The following IVNS1ABP variants were observed in gnomAD, a reference collection of about 807,000 sequenced individuals.
IVNS1ABP encodes the protein influenza virus NS1A-binding protein.
Under a neutral mutation model 78.9 loss-of-function variants are expected in IVNS1ABP, and 25 were observed. That is an observed-to-expected ratio of 0.32 (90% confidence interval 0.23 to 0.44). IVNS1ABP has a LOEUF of 0.44. Ranked by LOEUF, IVNS1ABP falls within the 20% of genes least tolerant of loss-of-function variation. IVNS1ABP has a pLI of 1.00. For missense variants in IVNS1ABP, 494 were observed against 768.9 expected (o/e 0.64, Z 4.23); for synonymous variants, 241 against 259.7 (o/e 0.93, Z 0.69).
chr1:185,308,093 A>G (rs1665787830), intron 5 of IVNS1ABP: 1 of 1,504,900 alleles, frequency 6.6e-7, no homozygotes, highest in Non-Finnish European at 8.9e-7. Flanking sequence ...ATATAAGGGA[A>G]AATCTAGAAA....
chr1:185,308,755 A>C, intron 5 of IVNS1ABP, 45 bp downstream of exon 5: 1 of 1,401,366 alleles, frequency 7.1e-7, no homozygotes, highest in Non-Finnish European at 9.9e-7. Context: ...GCAATCACAC[A>C]AAATAAGACT....
At chr1:185,310,670 TTTGA>T (rs1665863162) in intron 2 of IVNS1ABP, among the ~76,000 whole-genome samples, 1 of 151,698 alleles carries the variant, frequency 6.6e-6, no homozygotes, top group Non-Finnish European at 1.5e-5. Flanking sequence ...AGCCCAGGAG[TTTGA>T]GACCAGTCTG....
rs1165126522 is a variant in IVNS1ABP at position 185,296,549 on chromosome 1, AC to A, written c.*1485del. 1.3e-5 allele frequency: 2 copies of A among 152,140 alleles called. No individual in the cohort carries two copies. The highest frequency in any genetic ancestry group is 4.8e-5 in the African/African-American group (2 of 41,446). The allele number at this position is 152,140 out of a possible 1,614,324, so 9.4% of individuals were successfully genotyped here. A position where few individuals can be genotyped will look rare whatever the true frequency, so the allele number is the denominator to read the frequency against. ...ATAGTTAGGAATTACAGAGTTACCA[AC>A]CAAACTGATTTGCTTTCCTGGTGGT... is the stretch of plus-strand genomic sequence containing the variant. On this transcript the variant is annotated 3_prime_UTR_variant, in exon 15 of 15. Coordinates refer to ENST00000367498, the MANE Select transcript of IVNS1ABP (RefSeq NM_006469.5).
intron 3 of IVNS1ABP, 41 bp downstream of exon 3, chr1:185,309,342 T>C (rs929881123): frequency 1.5e-6 from 2 of 1,376,976 alleles, no homozygotes; most frequent in Admixed American, 4.3e-5. Context: ...TGGCTTTTAG[T>C]AATAAAAAAT....
Position 185,298,293 on chromosome 1 carries a change from A to G in IVNS1ABP, c.1676-5T>C, listed in dbSNP as rs1454261586. On this transcript the variant is annotated splice_region_variant and splice_polypyrimidine_tract_variant and intron_variant, in intron 14 of 14. Coordinates refer to ENST00000367498, the MANE Select transcript of IVNS1ABP (RefSeq NM_006469.5). This position sits in a 1 kb window ranked among gnomAD's most constrained non-coding sequence, Gnocchi z 4.1. ...CACCACATACAAACAGTTTTCCTAAAAGAGAAATGAGATGGGGTAAATCCA... is the reference window on the plus strand; with the variant it reads ...CACCACATACAAACAGTTTTCCTAAGAGAGAAATGAGATGGGGTAAATCCA... 6.2e-7 allele frequency: 1 copy of G among 1,611,662 alleles called. No individual in the cohort carries two copies. Among genetic ancestry groups the G allele is most frequent in the Admixed American group, 1.7e-5 (1 of 59,764 alleles).
intron 1 of IVNS1ABP, 137 bp downstream of exon 1, chr1:185,316,816 T>C (rs907606000): frequency 7.7e-6 from 3 of 391,230 alleles, no homozygotes; most frequent in Non-Finnish European, 9.0e-6. Flanking sequence ...CGGCGGCCGC[T>C]TGGGGCTGCC....
At chr1:185,308,743 T>C (rs559087641) in intron 5 of IVNS1ABP, 57 bp downstream of exon 5, 13 of 1,254,188 alleles carry the variant, frequency 1.0e-5, no homozygotes, top group Middle Eastern at 2.5e-4. Flanking sequence ...AAATTCAGCA[T>C]TGCAATCACA....
Position 185,299,703 on chromosome 1 carries a change from C to T in IVNS1ABP, c.1675+7G>A, listed in dbSNP as rs774288058. The T allele has an allele frequency of 6.2e-7, 1 of 1,613,492 alleles. No homozygotes were observed. Among genetic ancestry groups the T allele is most frequent in the South Asian group, 1.1e-5 (1 of 91,082 alleles). Reference sequence around the variant, plus strand: ...TACTCTTCACCTCTCCAAATCCCAACACTCACCATTAAGAACAGCCACTCC... The same window carrying T: ...TACTCTTCACCTCTCCAAATCCCAATACTCACCATTAAGAACAGCCACTCC... On this transcript the variant is annotated splice_region_variant and intron_variant, in intron 14 of 14. Transcript: ENST00000367498.
rs2102811053 is a variant in IVNS1ABP at position 185,298,684 on chromosome 1, T to G, written c.1676-396A>C. ...CCAGAATAGTTCTGTGCACTGGACT[T>G]TATATCAGCCCAATGTACAGAATTA... On this transcript the variant is annotated intron_variant, in intron 14 of 14. Coordinates refer to ENST00000367498, the MANE Select transcript of IVNS1ABP (RefSeq NM_006469.5). The surrounding 1 kb of genome is among the most constrained non-coding windows in gnomAD (Gnocchi z 4.1). The G allele has an allele frequency of 4.8e-6, 1 of 206,808 alleles. No individual in the cohort carries two copies. The highest frequency in any genetic ancestry group is 9.8e-6 in the Non-Finnish European group (1 of 101,586). 12.8% of individuals were successfully genotyped at this position (206,808 alleles called of 1,614,324 possible).
At chr1:185,308,673 T>C (rs1665805138) in intron 5 of IVNS1ABP, 127 bp downstream of exon 5, 2 of 693,994 alleles carry the variant, frequency 2.9e-6, no homozygotes, top group Non-Finnish European at 5.0e-6. Context: ...ACATATTGAC[T>C]ACTCTGAGGG....
intron 1 of IVNS1ABP, among the ~76,000 whole-genome samples, chr1:185,313,223 A>G (rs1665931302): frequency 6.6e-6 from 1 of 152,196 alleles, no homozygotes; most frequent in African/African-American, 2.4e-5. Flanking sequence ...AATTTGTACA[A>G]TATTATTATG....
intron 2 of IVNS1ABP, among the ~76,000 whole-genome samples, chr1:185,310,664 C>T (rs1665862812): frequency 6.6e-6 from 1 of 151,658 alleles, no homozygotes; most frequent in African/African-American, 2.4e-5. Context: ...TGCTTGAGCC[C>T]AGGAGTTTGA....
chr1:185,311,525 T>TAA (rs35365424), intron 1 of IVNS1ABP, among the ~76,000 whole-genome samples: 5 of 134,172 alleles, frequency 3.7e-5, no homozygotes, highest in Non-Finnish European at 4.9e-5. Flanking sequence ...CCCAAGTGAT[T>TAA]AAAAAAAAAA....
chr1:185,305,545 C>T lies in IVNS1ABP; in HGVS notation c.756G>A (p.Gln252=). 6.2e-7 allele frequency: 1 copy of T among 1,612,998 alleles called. No individual in the cohort carries two copies. The highest frequency in any genetic ancestry group is 8.5e-7 in the Non-Finnish European group (1 of 1,179,482). The stretch of plus-strand genomic sequence containing the variant: ...ACTGTGCAATGTGTACCTGCACAAA[C>T]TGAATGTGGTCATCATCACTGCCAA... ...EVFGSDDDHI[Q]FVQKKPPREN... is the part of the protein sequence containing the mutation. Residue 252 remains glutamine, a synonymous_variant, in exon 8 of 15, where the codon CAG becomes CAA. Coordinates refer to ENST00000367498, the MANE Select transcript of IVNS1ABP (RefSeq NM_006469.5). The surrounding 1 kb of genome is among the most constrained non-coding windows in gnomAD (Gnocchi z 4.0).
Position 185,300,186 on chromosome 1 carries a change from A to G in IVNS1ABP, c.1369+31T>C, listed in dbSNP as rs141436498. The G allele has an allele frequency of 9.5e-4, 1,522 of 1,608,252 alleles. 15 individuals are homozygous for G. The African/African-American group carries it at 0.017, about 18-fold the overall frequency. On this transcript the variant is annotated intron_variant, in intron 12 of 14. Transcript: ENST00000367498. ...GATAATTTAATTATCATATTTAAAT[A>G]CTGGATATCTCAGGAGAAAACTATT...
chr1:185,308,824 CT>C lies in IVNS1ABP; in HGVS notation c.332del (p.Lys111SerfsTer2). The C allele has an allele frequency of 6.2e-7, 1 of 1,610,034 alleles. No individual in the cohort carries two copies. The highest frequency in any genetic ancestry group is 8.5e-7 in the Non-Finnish European group (1 of 1,179,478). The stretch of plus-strand genomic sequence containing the variant: ...CCTGCTTTACTCGATCCATCTTCAG[CT>C]TTTTTGCTGCAGAATAAACATCTTT... ...LVKDVYSAAK[K>X]LKMDRVKQVC... On this transcript the variant is annotated frameshift_variant, in exon 5 of 15. Coordinates refer to ENST00000367498, the MANE Select transcript of IVNS1ABP (RefSeq NM_006469.5). LOFTEE classifies it high-confidence loss of function.
At position 185,305,449 on chromosome 1, in the gene IVNS1ABP, T is replaced by C; in HGVS notation, c.765+87A>G. 2.7e-6 allele frequency: 4 copies of C among 1,469,590 alleles called. No individual in the cohort carries two copies. The highest frequency in any genetic ancestry group is 2.5e-5 in the South Asian group (2 of 80,162). 91.0% of individuals were successfully genotyped at this position (1,469,590 alleles called of 1,614,324 possible). A position where few individuals can be genotyped will look rare whatever the true frequency, so the allele number is the denominator to read the frequency against. ...TTATACCAATGAAATTGGTCCACTT[T>C]CCTTTATTAAAGGAAAATTTAAGTA... On this transcript the variant is annotated intron_variant, in intron 8 of 14. Transcript: ENST00000367498. The surrounding 1 kb of genome is among the most constrained non-coding windows in gnomAD (Gnocchi z 4.0).
intron 1 of IVNS1ABP, among the ~76,000 whole-genome samples, chr1:185,315,465 T>C (rs936378006): frequency 1.3e-5 from 2 of 152,236 alleles, no homozygotes; most frequent in African/African-American, 4.8e-5. Flanking sequence ...ATATCATCTA[T>C]TAGGAAAACA....
rs1015686493 is a variant in IVNS1ABP at position 185,298,533 on chromosome 1, G to A, written c.1676-245C>T. ...TTAAAAGGGGGAGGGAGAGGAAGCA[G>A]TAGCAGCATCTAAATAAGTACAATT... On this transcript the variant is annotated intron_variant, in intron 14 of 14. Coordinates refer to ENST00000367498, the MANE Select transcript of IVNS1ABP (RefSeq NM_006469.5). This position sits in a 1 kb window ranked among gnomAD's most constrained non-coding sequence, Gnocchi z 4.1. The A allele has an allele frequency of 3.9e-6, 2 of 510,498 alleles. No individual in the cohort carries two copies. The highest frequency in any genetic ancestry group is 6.9e-6 in the Non-Finnish European group (2 of 289,598). The allele number at this position is 510,498 out of a possible 1,614,324, so 31.6% of individuals were successfully genotyped here. A position where few individuals can be genotyped will look rare whatever the true frequency, so the allele number is the denominator to read the frequency against.
Sources: allele counts gnomAD v4.1 joint callset (sites outside exome capture counted in the v4.1 genomes callset), GRCh38; gene constraint gnomAD v4.1.1; non-coding constraint Gnocchi (gnomAD v3.1); transcripts MANE v1.5; gene names NCBI Gene and HGNC (gene_info 2026-07-23, HGNC 2026-07-21).